The following DPH2 variants were observed in gnomAD, a reference collection of about 807,000 sequenced individuals.
DPH2 encodes 2-(3-amino-3-carboxypropyl)histidine synthase subunit 2.
A neutral mutation model predicts 42.5 loss-of-function variants in DPH2; 28 were observed. The observed-to-expected ratio is 0.66, with a 90% CI of 0.49 to 0.90. The LOEUF (loss-of-function observed/expected upper bound fraction) is 0.90. DPH2 is among the 40% of genes least tolerant of loss of function. The pLI is 0.00. For synonymous variants in DPH2, 279 were observed against 264.4 expected, an observed-to-expected ratio of 1.06 and a Z score of -0.53; for missense variants, 576 against 636.0, an observed-to-expected ratio of 0.91 and a Z score of 1.01.
Position 43,971,983 on chromosome 1 carries a change from C to T in DPH2, c.1081C>T (p.Pro361Ser), listed in dbSNP as rs199974563. The T allele has an allele frequency of 1.4e-5, 23 of 1,614,218 alleles. No individual in the cohort carries two copies. In the Middle Eastern group the frequency reaches 4.9e-4, roughly 35 times the overall value. The change falls in exon 4 of 6, where the codon CCA becomes TCA. Residue 361 changes from proline (P) to serine (S), a missense_variant. Transcript: ENST00000255108. Reference protein sequence around the residue: ...SGSFFQPILAPCELEAACNPA... With the variant: ...SGSFFQPILASCELEAACNPA... Reference sequence around the variant, plus strand: ...TAGCTTCTTCCAGCCTATACTGGCACCATGTGAGCTGGAAGCTGCCTGCAA... The same window carrying T: ...TAGCTTCTTCCAGCCTATACTGGCATCATGTGAGCTGGAAGCTGCCTGCAA...
intron 3 of DPH2, 31 bp from the exon 4 acceptor site, chr1:43,971,356 C>A (rs772393558): frequency 6.5e-7 from 1 of 1,549,496 alleles, no homozygotes; most frequent in Admixed American, 2.0e-5. Context: ...TTGCCAGGCT[C>A]CAACCTCAAC....
intron 2 of DPH2, 110 bp from the exon 3 acceptor site, chr1:43,970,856 C>A: frequency 7.5e-7 from 1 of 1,335,704 alleles, no homozygotes; most frequent in African/African-American, 1.4e-5. Flanking sequence ...CTTTCATTGA[C>A]AATGTCTTCC....
chr1:43,970,703 C>CG lies in DPH2; in HGVS notation c.257dup (p.Ser87GlnfsTer10). On this transcript the variant is annotated frameshift_variant, in exon 2 of 6. Transcript: ENST00000255108. LOFTEE classifies it high-confidence loss of function. ...TGTTCATTCTGGGTGACACAGCCTA[C>CG]GGCAGGTGTGAACTTGGCCTTAGGT... 8.7e-6 allele frequency: 14 copies of CG among 1,614,042 alleles called. No individual in the cohort carries two copies. The highest frequency in any genetic ancestry group is 1.0e-5 in the Non-Finnish European group (12 of 1,179,938).
Position 43,972,687 on chromosome 1 carries a change from C to A in DPH2, c.*148C>A. ...AGGCAGCCCTTCACAGGATAGGATC[C>A]GTCTCTGTCCTGTCCTGGCACTGGC... On this transcript the variant is annotated 3_prime_UTR_variant, in exon 6 of 6. Coordinates refer to ENST00000255108, the MANE Select transcript of DPH2 (RefSeq NM_001384.5). 2 of 1,135,276 alleles carry A rather than the reference C, an allele frequency of 1.8e-6. No individual in the cohort carries two copies. The highest frequency in any genetic ancestry group is 1.2e-6 in the Non-Finnish European group (1 of 802,816). The allele number at this position is 1,135,276 out of a possible 1,614,324, so 70.3% of individuals were successfully genotyped here. A position where few individuals can be genotyped will look rare whatever the true frequency, so the allele number is the denominator to read the frequency against.
Position 43,972,551 on chromosome 1 carries a change from G to A in DPH2, c.*12G>A. Reference sequence around the variant, plus strand: ...AGGGAAGCGGCTGATACCATGTGGGGCTGGAGACATAGATGGACTTATGAA... The same window carrying A: ...AGGGAAGCGGCTGATACCATGTGGGACTGGAGACATAGATGGACTTATGAA... On this transcript the variant is annotated 3_prime_UTR_variant, in exon 6 of 6. Coordinates refer to ENST00000255108, the MANE Select transcript of DPH2 (RefSeq NM_001384.5). The A allele has an allele frequency of 6.2e-7, 1 of 1,614,168 alleles. No individual in the cohort carries two copies.
Position 43,970,308 on chromosome 1 carries a change from C to G in DPH2, c.133C>G (p.Leu45Val), listed in dbSNP as rs751043631. The G allele has an allele frequency of 6.2e-6, 10 of 1,613,974 alleles. No individual in the cohort carries two copies. The highest frequency in any genetic ancestry group is 7.6e-6 in the Non-Finnish European group (9 of 1,179,988). Residue 45 changes from leucine to valine, a missense_variant, in exon 1 of 6, where the codon CTG (leucine) becomes GTG (valine). Around this residue, in one of 3 missense-constraint regions of DPH2, gnomAD observed 395 missense variants for 435.2 expected, o/e 0.91. Transcript: ENST00000255108. ...GCGAGTCGCTGGATTTGTCCGCGAC[C>G]TGGGGTGTGAACGAGTGAGGACAGA... ...LERVAGFVRD[L>V]GCERVALQFP...
intron 1 of DPH2, 84 bp downstream of exon 1, chr1:43,970,406 G>T: frequency 6.4e-7 from 1 of 1,570,294 alleles, no homozygotes; most frequent in South Asian, 1.2e-5. Context: ...ATTTTGTGAG[G>T]GCGAGAGGGT....
intron 3 of DPH2, 77 bp downstream of exon 3, chr1:43,971,266 A>G: frequency 1.3e-6 from 2 of 1,529,090 alleles, no homozygotes; most frequent in Non-Finnish European, 1.8e-6. Context: ...TCCATATACC[A>G]TCCATAGAAC....
chr1:43,971,237 A>G, intron 3 of DPH2, 48 bp downstream of exon 3: 4 of 1,533,968 alleles, frequency 2.6e-6, no homozygotes, highest in Non-Finnish European at 3.5e-6. Flanking sequence ...CAACTGCTTT[A>G]TGCCTTAATT....
In DPH2 at chr1:43,971,521, C is replaced by T. The variant is rs749926717; in HGVS notation, c.619C>T (p.Pro207Ser). 1.2e-6 allele frequency: 2 copies of T among 1,614,242 alleles called. No individual in the cohort carries two copies. Among genetic ancestry groups the T allele is most frequent in the South Asian group, 2.2e-5 (2 of 91,088 alleles). ...ERFGRRFPLA[P>S]GRRLEEYGAF... ...TTTTGGGCGCCGCTTCCCCCTTGCC[C>T]CAGGGAGGCGTCTAGAAGAGTATGG... The change falls in exon 4 of 6, where the codon CCA (proline) becomes TCA (serine). Residue 207 changes from proline (P) to serine (S), a missense_variant. By Grantham distance (74) the Pro-to-Ser change is moderately conservative. Transcript: ENST00000255108.
Position 43,972,173 on chromosome 1 carries a change from T to A in DPH2, c.1184T>A (p.Val395Glu), listed in dbSNP as rs1470412789. The change falls in exon 5 of 6, where the codon GTG (valine) becomes GAG (glutamate). Residue 395 changes from valine to glutamate, a missense_variant. By Grantham distance (121) the Val-to-Glu change is moderately radical (BLOSUM62 -2). Coordinates refer to ENST00000255108, the MANE Select transcript of DPH2 (RefSeq NM_001384.5). ...TCCCTTTCAGGCTCTCCCTTCCACG[T>A]GGCTCTCCCACCACCTGAGTCAGAG... ...ADLLPGSPFH[V>E]ALPPPESELW... The A allele has an allele frequency of 6.2e-7, 1 of 1,613,876 alleles. No homozygotes were observed. The highest frequency in any genetic ancestry group is 8.5e-7 in the Non-Finnish European group (1 of 1,179,826).
Position 43,970,991 on chromosome 1 carries a change from G to T in DPH2, c.286G>T (p.Glu96Ter). 1 of 1,581,888 alleles carries T rather than the reference G, an allele frequency of 6.3e-7. No individual in the cohort carries two copies. The highest frequency in any genetic ancestry group is 8.6e-7 in the Non-Finnish European group (1 of 1,162,884). ...GSCCVDVLGA[E>*]QAGAQALIHF... is the part of the protein sequence containing the mutation. ...CTGCTGCGTGGATGTGCTGGGTGCT[G>T]AGCAAGCTGGAGCTCAGGCTCTCAT... Residue 96 changes from glutamate (E) to a stop codon, truncating the protein, a stop_gained, in exon 3 of 6, where the codon GAG becomes TAG. Coordinates refer to ENST00000255108, the MANE Select transcript of DPH2 (RefSeq NM_001384.5). LOFTEE classifies it high-confidence loss of function.
In DPH2 at chr1:43,972,043, C is replaced by A. The variant is rs2085441268; in HGVS notation, c.1141C>A (p.Leu381Ile). 1 of 1,613,874 alleles carries A rather than the reference C, an allele frequency of 6.2e-7. No individual in the cohort carries two copies. Among genetic ancestry groups the A allele is most frequent in the African/African-American group, 1.3e-5 (1 of 74,954 alleles). The change falls in exon 4 of 6, where the codon CTC (leucine) becomes ATC (isoleucine). Residue 381 changes from leucine to isoleucine, a missense_variant. Leu to Ile is a conservative substitution (Grantham distance 5, BLOSUM62 2). Transcript: ENST00000255108. ...AWPPPGLAPH[L>I]THYADLLPGS... is the part of the protein sequence containing the mutation. ...GCCACCTCCAGGCCTGGCTCCCCAC[C>A]TCACACATTATGCGGACTTATTGCC...
rs147787761 is a variant in DPH2 at position 43,972,739 on chromosome 1, C to T, written c.*200C>T. The T allele has an allele frequency of 2.9e-5, 20 of 690,018 alleles. No individual in the cohort carries two copies. The highest frequency in any genetic ancestry group is 2.9e-4 in the South Asian group (15 of 51,792). The allele number at this position is 690,018 out of a possible 1,614,324, so 42.7% of individuals were successfully genotyped here. A position where few individuals can be genotyped will look rare whatever the true frequency, so the allele number is the denominator to read the frequency against. Reference sequence around the variant, plus strand: ...CAAGCTCAGCACATGCCCAGTAATGCGTGTTGTTTGGCTGATGGAATAAAG... The same window carrying T: ...CAAGCTCAGCACATGCCCAGTAATGTGTGTTGTTTGGCTGATGGAATAAAG... On this transcript the variant is annotated 3_prime_UTR_variant, in exon 6 of 6. Transcript: ENST00000255108.
rs767178285 is a variant in DPH2, at chr1:43,970,598, T to C, written c.150T>C (p.Val50=). The change falls in exon 2 of 6, where the codon GTT becomes GTC. Residue 50 remains valine (V), a splice_region_variant and synonymous_variant. Transcript: ENST00000255108. ...GFVRDLGCER[V]ALQFPDQLLG... ...GACTCCATGGTTTATGCTTATAGGTTGCCTTGCAGTTCCCTGACCAGCTAT... is the reference window on the plus strand; with the variant it reads ...GACTCCATGGTTTATGCTTATAGGTCGCCTTGCAGTTCCCTGACCAGCTAT... The C allele has an allele frequency of 2.5e-6, 4 of 1,614,026 alleles. No individual in the cohort carries two copies. The East Asian group carries it at 8.9e-5, about 36-fold the overall frequency.
chr1:43,971,025 G>A lies in DPH2; in HGVS notation c.320G>A (p.Gly107Asp). The change falls in exon 3 of 6, where the codon GGC becomes GAC. Residue 107 changes from glycine (G) to aspartate (D), a missense_variant. This residue lies in a region of DPH2 where 395 missense variants were observed against 435.2 expected (regional missense o/e 0.91). Transcript: ENST00000255108. ...GGAGCTCAGGCTCTCATACATTTTGGCCCTGCCTGCTTAAGCCCTCCAGCC... is the reference window on the plus strand; with the variant it reads ...GGAGCTCAGGCTCTCATACATTTTGACCCTGCCTGCTTAAGCCCTCCAGCC... ...QAGAQALIHF[G>D]PACLSPPARP... The A allele has an allele frequency of 6.3e-7, 1 of 1,585,048 alleles. No homozygotes were observed. The highest frequency in any genetic ancestry group is 1.1e-5 in the South Asian group (1 of 87,114).
rs1456941608 is a variant in DPH2, at chr1:43,973,297, GAC to G, written c.*760_*761del. 1 of 152,244 alleles carries G rather than the reference GAC, an allele frequency of 6.6e-6. No homozygotes were observed. The highest frequency in any genetic ancestry group is 2.4e-5 in the African/African-American group (1 of 41,470). The allele number at this position is 152,244 out of a possible 1,614,324, so 9.4% of individuals were successfully genotyped here. On this transcript the variant is annotated 3_prime_UTR_variant, in exon 6 of 6. Coordinates refer to ENST00000255108, the MANE Select transcript of DPH2 (RefSeq NM_001384.5). ...TCATGGCAGAAAGTTCTATTGGTTGGACAGCGTTGGTCTATACTGACTCTTAT... is the reference window on the plus strand; with the variant it reads ...TCATGGCAGAAAGTTCTATTGGTTGGAGCGTTGGTCTATACTGACTCTTAT...
Position 43,971,812 on chromosome 1 carries a change from CG to C in DPH2, c.912del (p.Asn305ThrfsTer2), listed in dbSNP as rs1557642228. ...ACACCGTGAGGCACTGGCCCACTTG[CG>C]GAACCTGACTCAGGCTGCTGGCAAG... ...AQHREALAHL[R>X]NLTQAAGKRS... On this transcript the variant is annotated frameshift_variant, in exon 4 of 6. Coordinates refer to ENST00000255108, the MANE Select transcript of DPH2 (RefSeq NM_001384.5). LOFTEE classifies it high-confidence loss of function. The C allele has an allele frequency of 1.2e-6, 2 of 1,612,220 alleles. No individual in the cohort carries two copies. The highest frequency in any genetic ancestry group is 2.2e-5 in the South Asian group (2 of 91,090).
rs2085393375 is a variant in DPH2, at chr1:43,970,344, G to T, written c.147+22G>T. Reference sequence around the variant, plus strand: ...ACGAGTGAGGACAGACTTAGGGAAGGGTGGCTCGCCTCTGTCGGGATGGGT... The same window carrying T: ...ACGAGTGAGGACAGACTTAGGGAAGTGTGGCTCGCCTCTGTCGGGATGGGT... On this transcript the variant is annotated intron_variant, in intron 1 of 5. Transcript: ENST00000255108. 6.2e-6 allele frequency: 10 copies of T among 1,610,500 alleles called. No individual in the cohort carries two copies. The East Asian group carries it at 2.2e-4, about 36-fold the overall frequency.
Sources: gnomAD v4.1 joint callset for allele counts on GRCh38, gnomAD v4.1.1 for gene constraint, gnomAD v4.1.1 regional missense constraint, MANE v1.5 for transcripts, NCBI Gene and HGNC (gene_info 2026-07-23, HGNC 2026-07-21) for gene names.